MTAP: variants seen among roughly 807,000 people sequenced by gnomAD.
MTAP encodes methylthioadenosine phosphorylase, also known as S-methyl-5'-thioadenosine phosphorylase.
In MTAP, 33 loss-of-function variants were observed where a neutral mutation model predicts 33.6. The ratio of observed to expected loss-of-function variants is 0.98; its 90% CI spans 0.74 to 1.31. The LOEUF (loss-of-function observed/expected upper bound fraction) is 1.31, where lower values mean the gene tolerates loss of function less well. Among genes scored for constraint, MTAP ranks in the 40% most tolerant of loss-of-function variants. The probability of loss-of-function intolerance (pLI) is 0.00; values close to 1 mark genes in which losing one functional copy is unlikely to be tolerated. For synonymous variants in MTAP, 148 were observed against 125.7 expected (o/e 1.18, Z -1.19); for missense variants, 367 against 360.0 (o/e 1.02, Z -0.16).
chr9:21,911,539 T>A (rs894298420), intron 1 of MTAP, among the ~76,000 whole-genome samples: 1 of 152,014 alleles, frequency 6.6e-6, no homozygotes, highest in African/African-American at 2.4e-5. Context: ...ACTGGGTACA[T>A]AACGAAATGA....
At chr9:21,910,220 C>T (rs1475520356) in intron 1 of MTAP, among the ~76,000 whole-genome samples, 1 of 151,708 alleles carries the variant, frequency 6.6e-6, no homozygotes, top group Non-Finnish European at 1.5e-5. Context: ...AGGCATTGTT[C>T]TAAGTAGATA....
At chr9:21,822,639 G>C (rs1375624317) in intron 4 of MTAP, among the ~76,000 whole-genome samples, 1 of 152,102 alleles carries the variant, frequency 6.6e-6, no homozygotes, top group Non-Finnish European at 1.5e-5. Flanking sequence ...GTAGATGTCT[G>C]TTAGGTCCGC....
intron 1 of MTAP, among the ~76,000 whole-genome samples, chr9:21,902,732 C>T (rs1271752469): frequency 2.6e-5 from 4 of 152,148 alleles, no homozygotes; most frequent in African/African-American, 9.7e-5. Context: ...ATCAATTTAA[C>T]TTGGTCTAGG....
At chr9:21,847,789 T>C (rs1022767876) in intron 5 of MTAP, among the ~76,000 whole-genome samples, 1 of 152,172 alleles carries the variant, frequency 6.6e-6, no homozygotes, top group Admixed American at 6.5e-5. Flanking sequence ...AAGACTTATC[T>C]CCTGTAGAGA....
intron 5 of MTAP, among the ~76,000 whole-genome samples, chr9:21,840,115 A>G (rs377524066): frequency 2.6e-5 from 4 of 152,108 alleles, no homozygotes; most frequent in Admixed American, 2.6e-4. Context: ...AGTCCCAGCT[A>G]CTTGGGAGGC....
chr9:21,859,487 C>G, intron 7 of MTAP, 62 bp downstream of exon 7: 2 of 1,518,974 alleles, frequency 1.3e-6, no homozygotes, highest in African/African-American at 1.4e-5. Flanking sequence ...TCTTTTCTTA[C>G]TTGCATTTCA....
rs188124284 is a variant in MTAP at position 21,824,142 on chromosome 9, C to G, written c.347+5940C>G. On this transcript the variant is annotated intron_variant, in intron 4 of 7. Coordinates refer to ENST00000644715, the MANE Select transcript of MTAP (RefSeq NM_002451.4). ...CCATCCAGCTTTGTTCCATTGCTGG[C>G]GAGGAGCTGTGTTCCTTTGGAGGGG... Among the ~76,000 whole-genome samples the G allele has an allele frequency of 4.6e-5, 7 of 152,314 alleles. No individual in the cohort carries two copies. In the East Asian group the frequency reaches 1.3e-3, roughly 29 times the overall value.
Position 21,837,906 on chromosome 9 carries a change from A to G in MTAP, c.348-2A>G. 1 of 1,611,450 alleles carries G rather than the reference A, an allele frequency of 6.2e-7. No homozygotes were observed. Among genetic ancestry groups the G allele is most frequent in the South Asian group, 1.1e-5 (1 of 90,616 alleles). On this transcript the variant is annotated splice_acceptor_variant, in intron 4 of 7. Coordinates refer to ENST00000644715, the MANE Select transcript of MTAP (RefSeq NM_002451.4). LOFTEE classifies it high-confidence loss of function. ...AAAAACCTTTTTTGCTTTATTTTGT[A>G]GGACCACTATGAGACCTCAGTCCTT...
downstream of MTAP, chr9:21,931,367 C>A: frequency 2.0e-6 from 1 of 506,678 alleles, no homozygotes; most frequent in Non-Finnish European, 3.5e-6. Context: ...AGGAGAGACC[C>A]CCTCCAACTA....
intron 6 of MTAP, among the ~76,000 whole-genome samples, chr9:21,855,102 A>T (rs928790328): frequency 6.6e-6 from 1 of 152,322 alleles, no homozygotes; most frequent in African/African-American, 2.4e-5. Flanking sequence ...AGGCAGGTAG[A>T]TGTGTTGAGA....
intron 1 of MTAP, among the ~76,000 whole-genome samples, chr9:21,926,321 C>T (rs1363601470): frequency 6.6e-6 from 1 of 150,988 alleles, no homozygotes; most frequent in East Asian, 1.9e-4. Flanking sequence ...CGCTATGTAA[C>T]ACCCCTGTCT....
chr9:21,850,279 T>C lies in MTAP; in HGVS notation c.451-4352T>C, dbSNP rs531004382. Among the ~76,000 whole-genome samples, 25 of 152,320 alleles carry C rather than the reference T, an allele frequency of 1.6e-4. 1 individual carries two copies. The South Asian group carries it at 4.8e-3, about 29-fold the overall frequency. ...GTGGGGCCTGTGGAGATACTCCTTC[T>C]AAGGTGAAGGATAAGTTGCTGCATT... is the stretch of plus-strand genomic sequence containing the variant. On this transcript the variant is annotated intron_variant, in intron 5 of 7. Transcript: ENST00000644715.
intron 7 of MTAP, chr9:21,861,550 A>G (rs1200063650): frequency 6.1e-6 from 1 of 162,620 alleles, no homozygotes; most frequent in African/African-American, 2.4e-5. Context: ...AGCACCTGCT[A>G]TACGTCAAGG....
intron 4 of MTAP, among the ~76,000 whole-genome samples, chr9:21,828,908 G>T (rs1824892596): frequency 6.6e-6 from 1 of 152,198 alleles, no homozygotes; most frequent in African/African-American, 2.4e-5. Flanking sequence ...TGCTGCCTTT[G>T]ATTGAGCTGA....
chr9:21,938,368 G>A (rs12345808), downstream of MTAP, among the ~76,000 whole-genome samples: 2,386 of 151,910 alleles, frequency 0.016, 63 homozygotes, highest in African/African-American at 0.052. Flanking sequence ...AACCTAAGGA[G>A]GTTCAGGCTG....
At chr9:21,882,356 T>C (rs1305000933) in intron 1 of MTAP, among the ~76,000 whole-genome samples, 1 of 152,008 alleles carries the variant, frequency 6.6e-6, no homozygotes, top group Non-Finnish European at 1.5e-5. Context: ...CTACAACCTT[T>C]AAAAAGTTTT....
chr9:21,902,098 C>G (rs771175529), intron 1 of MTAP, among the ~76,000 whole-genome samples: 5 of 152,124 alleles, frequency 3.3e-5, no homozygotes, highest in Non-Finnish European at 5.9e-5. Flanking sequence ...AAGAGTAATT[C>G]GCTAAACGAT....
At chr9:21,883,977 T>C (rs1322897985) in intron 1 of MTAP, among the ~76,000 whole-genome samples, 2 of 152,108 alleles carry the variant, frequency 1.3e-5, no homozygotes, top group Admixed American at 6.6e-5. Flanking sequence ...AGCTGCAATA[T>C]TGCAGAGTAA....
chr9:21,821,536 A>T (rs1442519044), intron 4 of MTAP, among the ~76,000 whole-genome samples: 1 of 152,142 alleles, frequency 6.6e-6, no homozygotes, highest in African/African-American at 2.4e-5. Flanking sequence ...CCAGTATTTT[A>T]TTGAGGATTT....
Sources: gnomAD v4.1 joint callset for allele counts (sites outside exome capture counted in the v4.1 genomes callset) on GRCh38, gnomAD v4.1.1 for gene constraint, MANE v1.5 for transcripts, NCBI Gene and HGNC (gene_info 2026-07-23, HGNC 2026-07-21) for gene names.